AGO3: variants seen among roughly 807,000 people sequenced by gnomAD.
AGO3 encodes the protein protein argonaute-3.
A neutral mutation model predicts 105.5 loss-of-function variants in AGO3; 16 were observed. The ratio of observed to expected loss-of-function variants is 0.15; its 90% CI spans 0.10 to 0.23. The LOEUF is 0.23. Ranked by LOEUF, AGO3 falls within the 10% of genes least tolerant of loss-of-function variation. The probability of loss-of-function intolerance (pLI) is 1.00; values close to 1 mark genes in which losing one functional copy is unlikely to be tolerated. For synonymous variants in AGO3, 340 were observed against 367.3 expected (o/e 0.93, Z 0.85); for missense variants, 534 against 1,088.0 (o/e 0.49, Z 7.16).
intron 5 of AGO3, among the ~76,000 whole-genome samples, chr1:35,997,938 C>G (rs1005226143): frequency 3.3e-5 from 5 of 152,098 alleles, no homozygotes; most frequent in Non-Finnish European, 5.9e-5. Flanking sequence ...CTCAGGTGAT[C>G]CACCCGCCTT....
chr1:35,953,610 C>T lies in AGO3; in HGVS notation c.191+7747C>T, dbSNP rs372933822. ...GCACGATCTTAGCTCACTGCAACTT[C>T]CACCTCCCAGGTTCAAGCGATTCTC... On this transcript the variant is annotated intron_variant, in intron 2 of 18. Coordinates refer to ENST00000373191, the MANE Select transcript of AGO3 (RefSeq NM_024852.4). Among the ~76,000 whole-genome samples the T allele has an allele frequency of 2.6e-5, 4 of 151,448 alleles. No homozygotes were observed. The East Asian group carries it at 5.8e-4, about 22-fold the overall frequency.
At position 35,975,279 on chromosome 1, in the gene AGO3, A is replaced by G. The variant is rs947711506; in HGVS notation, c.658+1768A>G. Among the ~76,000 whole-genome samples the G allele has an allele frequency of 2.6e-5, 4 of 152,140 alleles. No homozygotes were observed. In the South Asian group the frequency reaches 6.2e-4, roughly 24 times the overall value. On this transcript the variant is annotated intron_variant, in intron 5 of 18. Coordinates refer to ENST00000373191, the MANE Select transcript of AGO3 (RefSeq NM_024852.4). ...TCATCAAACTCTTAGATTTTCTTCA[A>G]TCAGATTTGCAAGAAACAGTTTTCT...
At chr1:35,986,027 TTA>T (rs1365433625) in intron 5 of AGO3, among the ~76,000 whole-genome samples, 1 of 152,214 alleles carries the variant, frequency 6.6e-6, no homozygotes, top group Non-Finnish European at 1.5e-5. Context: ...TTAAAAAGCC[TTA>T]TGATTTGCAA....
rs1301265564 is a variant in AGO3 at position 36,072,457 on chromosome 1, C to A, written c.*16712C>A. The A allele has an allele frequency of 6.6e-6, 1 of 152,170 alleles. No individual in the cohort carries two copies. The highest frequency in any genetic ancestry group is 2.4e-5 in the African/African-American group (1 of 41,440). 9.4% of individuals were successfully genotyped at this position (152,170 alleles called of 1,614,324 possible). A position where few individuals can be genotyped will look rare whatever the true frequency, so the allele number is the denominator to read the frequency against. The stretch of plus-strand genomic sequence containing the variant: ...TGCTTAGCTTCAGTTTGAAGTATAA[C>A]TTTCACTAATAACTGCAATAAAAAG... On this transcript the variant is annotated 3_prime_UTR_variant, in exon 19 of 19. Transcript: ENST00000373191.
At chr1:36,035,146 C>G (rs1372826792) in intron 13 of AGO3, among the ~76,000 whole-genome samples, 1 of 152,144 alleles carries the variant, frequency 6.6e-6, no homozygotes, top group African/African-American at 2.4e-5. Flanking sequence ...TCTCTACTTT[C>G]TACCCCTGTT....
chr1:35,935,823 T>C (rs1646136835), intron 1 of AGO3, among the ~76,000 whole-genome samples: 1 of 152,240 alleles, frequency 6.6e-6, no homozygotes, highest in African/African-American at 2.4e-5. Flanking sequence ...TAAAATATTA[T>C]TAATCTAACA....
intron 2 of AGO3, among the ~76,000 whole-genome samples, chr1:35,948,969 G>A (rs930052160): frequency 6.6e-6 from 1 of 151,680 alleles, no homozygotes; most frequent in African/African-American, 2.4e-5. Context: ...TTGAGATGGA[G>A]TTTTGCTCTT....
At chr1:35,938,304 A>C (rs904966772) in intron 1 of AGO3, among the ~76,000 whole-genome samples, 3 of 152,096 alleles carry the variant, frequency 2.0e-5, no homozygotes, top group Non-Finnish European at 2.9e-5. Context: ...TTCTTTTTCC[A>C]ATTATAAAAT....
chr1:35,930,998 G>T (rs1054839018), upstream of AGO3: 25 of 349,884 alleles, frequency 7.1e-5, no homozygotes, highest in Non-Finnish European at 9.7e-5. Context: ...GGCCGCTCCT[G>T]CCCCGACGTC....
chr1:36,056,000 T>G lies in AGO3; in HGVS notation c.*255T>G, dbSNP rs1171495071. The G allele has an allele frequency of 3.2e-6, 1 of 309,798 alleles. No homozygotes were observed. Among genetic ancestry groups the G allele is most frequent in the Admixed American group, 4.9e-5 (1 of 20,352 alleles). 19.2% of individuals were successfully genotyped at this position (309,798 alleles called of 1,614,324 possible). ...CCTATAGGAAGTATCGCAATTGTTT[T>G]GTTTTCATTTCTTGTAGTCTAACCC... On this transcript the variant is annotated 3_prime_UTR_variant, in exon 19 of 19. Transcript: ENST00000373191. The surrounding 1 kb of genome is among the most constrained non-coding windows in gnomAD (Gnocchi z 4.4).
chr1:35,981,645 A>G (rs1647055002), intron 5 of AGO3, among the ~76,000 whole-genome samples: 1 of 152,186 alleles, frequency 6.6e-6, no homozygotes, highest in Non-Finnish European at 1.5e-5. Context: ...AAACTACTTC[A>G]AAAGAAGAAA....
At chr1:36,044,599 A>G (rs1014589769) in intron 17 of AGO3, among the ~76,000 whole-genome samples, 13 of 151,560 alleles carry the variant, frequency 8.6e-5, no homozygotes, top group African/African-American at 1.9e-4. Flanking sequence ...ACACCCAGTA[A>G]TTTTTTTATT....
Position 36,027,157 on chromosome 1 carries a change from A to T in AGO3, c.1450A>T (p.Met484Leu), listed in dbSNP as rs1382047896. 1.2e-6 allele frequency: 2 copies of T among 1,614,144 alleles called. No homozygotes were observed. Among genetic ancestry groups the T allele is most frequent in the Non-Finnish European group, 1.7e-6 (2 of 1,179,994 alleles). The change falls in exon 12 of 19, where the codon ATG (methionine) becomes TTG (leucine). Residue 484 changes from methionine to leucine, a missense_variant. Physicochemically the swap from Met to Leu is conservative, Grantham distance 15. Transcript: ENST00000373191. The surrounding 1 kb of genome is among the most constrained non-coding windows in gnomAD (Gnocchi z 4.0). Reference protein sequence around the residue: ...QLRKISKDAGMPIQGQPCFCK... With the variant: ...QLRKISKDAGLPIQGQPCFCK... ...GCGTAAGATTTCTAAGGATGCAGGG[A>T]TGCCCATCCAGGGCCAGCCATGCTT...
chr1:35,937,845 TAGG>T (rs765085764), intron 1 of AGO3, among the ~76,000 whole-genome samples: 1 of 152,186 alleles, frequency 6.6e-6, no homozygotes, highest in Non-Finnish European at 1.5e-5. Context: ...AATTAGCAGG[TAGG>T]AGGTTCCTGA....
At chr1:35,944,923 CT>C (rs1646333464) in intron 1 of AGO3, among the ~76,000 whole-genome samples, 1 of 152,178 alleles carries the variant, frequency 6.6e-6, no homozygotes, top group South Asian at 2.1e-4. Flanking sequence ...CCACCTCAGC[CT>C]CCTGTGTAGC....
Position 36,069,125 on chromosome 1 carries a change from T to G in AGO3, c.*13380T>G. On this transcript the variant is annotated 3_prime_UTR_variant, in exon 19 of 19. Transcript: ENST00000373191. ...ATTGTTGGAGTTCTTTTGTTCTGAG[T>G]CAGGGTCTCACTCTGTTGCCCAGGC... 1 of 152,266 alleles carries G rather than the reference T, an allele frequency of 6.6e-6. No individual in the cohort carries two copies. The highest frequency in any genetic ancestry group is 1.5e-5 in the Non-Finnish European group (1 of 68,112). 9.4% of individuals were successfully genotyped at this position (152,266 alleles called of 1,614,324 possible).
At chr1:36,025,358 A>C (rs1423616057) in intron 11 of AGO3, among the ~76,000 whole-genome samples, 1 of 151,660 alleles carries the variant, frequency 6.6e-6, no homozygotes, top group Non-Finnish European at 1.5e-5. Context: ...AAATGTCACA[A>C]GGATGGCTTA....
intron 5 of AGO3, among the ~76,000 whole-genome samples, chr1:35,988,589 G>C (rs963864015): frequency 1.3e-5 from 2 of 151,682 alleles, no homozygotes; most frequent in African/African-American, 4.8e-5. Flanking sequence ...GTTCATCCAT[G>C]TTGTCACAAA....
chr1:35,985,331 A>G (rs1176553437), intron 5 of AGO3, among the ~76,000 whole-genome samples: 1 of 152,196 alleles, frequency 6.6e-6, no homozygotes, highest in Admixed American at 6.5e-5. Context: ...AACACTTGAT[A>G]AGTCGATATT....
Sources: allele counts gnomAD v4.1 joint callset (sites outside exome capture counted in the v4.1 genomes callset), GRCh38; gene constraint gnomAD v4.1.1; non-coding constraint Gnocchi (gnomAD v3.1); transcripts MANE v1.5; gene names NCBI Gene and HGNC (gene_info 2026-07-23, HGNC 2026-07-21).